Variants in SAMD7 observed in about 807,000 individuals in gnomAD.
The protein encoded by SAMD7 is sterile alpha motif domain-containing protein 7.
In SAMD7, 34 loss-of-function variants were observed where a neutral mutation model predicts 36.7. The ratio of observed to expected loss-of-function variants is 0.93; its 90% CI spans 0.71 to 1.23. The LOEUF is 1.23. Ranked by LOEUF, SAMD7 falls within the 50% of genes most tolerant of loss-of-function variation. The pLI, the probability that SAMD7 is intolerant of heterozygous loss-of-function variation, is 0.00. For missense variants in SAMD7, 570 were observed against 546.6 expected (o/e 1.04, Z -0.43); for synonymous variants, 188 against 189.7 (o/e 0.99, Z 0.07).
chr3:169,934,306 T>C (rs577628298), intron 7 of SAMD7, among the ~76,000 whole-genome samples: 1 of 151,874 alleles, frequency 6.6e-6, no homozygotes, highest in East Asian at 1.9e-4. Context: ...CTATCCAGGG[T>C]GGGAGCAGTG....
At chr3:169,928,684 A>G (rs1485806664) in intron 7 of SAMD7, 106 bp downstream of exon 7, 4 of 1,192,846 alleles carry the variant, frequency 3.4e-6, no homozygotes, top group African/African-American at 3.0e-5. Flanking sequence ...AAGGATTCCT[A>G]CTAATCTCTC....
chr3:169,921,100 A>T, intron 3 of SAMD7, 114 bp from the exon 4 acceptor site: 1 of 918,132 alleles, frequency 1.1e-6, no homozygotes, highest in Non-Finnish European at 1.7e-6. Flanking sequence ...TTTCATCTTG[A>T]GAAGAGATGA....
rs1713039231 is a variant in SAMD7, at chr3:169,921,438, A to C, written c.211+100A>C. On this transcript the variant is annotated intron_variant, in intron 4 of 8. Transcript: ENST00000335556. ...AATTACTCCTAAATTTTGGAGGCAG[A>C]TCTGTGTGGTGGTTGTCTCTGCAGT... 2.4e-6 allele frequency: 3 copies of C among 1,229,524 alleles called. No homozygotes were observed. The East Asian group carries it at 7.1e-5, about 29-fold the overall frequency. 76.2% of individuals were successfully genotyped at this position (1,229,524 alleles called of 1,614,324 possible).
chr3:169,917,948 T>C (rs1166192943), intron 2 of SAMD7, among the ~76,000 whole-genome samples: 1 of 150,866 alleles, frequency 6.6e-6, no homozygotes, highest in African/African-American at 2.4e-5. Context: ...GCCTGTTTGT[T>C]TATTTTTGAG....
intron 1 of SAMD7, among the ~76,000 whole-genome samples, chr3:169,912,080 A>G (rs1264034989): frequency 6.6e-6 from 1 of 152,242 alleles, no homozygotes; most frequent in East Asian, 1.9e-4. Context: ...TTTTTAAGTG[A>G]AAGTAAAATG....
intron 8 of SAMD7, 24 bp downstream of exon 8, chr3:169,936,473 T>C: frequency 8.1e-7 from 1 of 1,236,880 alleles, no homozygotes; most frequent in South Asian, 1.2e-5. Context: ...ATATAACTAA[T>C]TATGTATTAA....
At position 169,935,148 on chromosome 3, in the gene SAMD7, G is replaced by A. The variant is rs183236449; in HGVS notation, c.1042-1191G>A. On this transcript the variant is annotated intron_variant, in intron 7 of 8. Transcript: ENST00000335556. ...TTAGAACGTGAAAGCAGGGAGCATC[G>A]AAACCCTTTGGAGAAATCTAGCTGT... is the stretch of plus-strand genomic sequence containing the variant. Among the ~76,000 whole-genome samples, 604 of 152,302 alleles carry A rather than the reference G, an allele frequency of 4.0e-3. 20 individuals are homozygous for A. The highest frequency in any genetic ancestry group is 0.035 in the Admixed American group (540 of 15,300).
rs539167485 is a variant in SAMD7, at chr3:169,922,497, T to TTTG, written c.211+1171_211+1173dup. Among the ~76,000 whole-genome samples the TTTG allele has an allele frequency of 1.8e-4, 27 of 152,310 alleles. No homozygotes were observed. In the South Asian group the frequency reaches 5.0e-3, roughly 28 times the overall value. ...CTTATCTCACACATTTATCACCTTT[T>TTTG]TTGTTGTTGTTGTTTGTTTGAGATG... On this transcript the variant is annotated intron_variant, in intron 4 of 8. Transcript: ENST00000335556.
intron 4 of SAMD7, among the ~76,000 whole-genome samples, chr3:169,924,173 T>A (rs1162065852): frequency 6.6e-6 from 1 of 151,874 alleles, no homozygotes; most frequent in Non-Finnish European, 1.5e-5. Context: ...TTCATCTAAC[T>A]CCTTGATTTT....
At chr3:169,936,547 AACTTCTT>A in intron 8 of SAMD7, 98 bp downstream of exon 8, 1 of 710,798 alleles carries the variant, frequency 1.4e-6, no homozygotes, top group Non-Finnish European at 2.4e-6. Flanking sequence ...ATACTTATTT[AACTTCTT>A]TATTGCTTTC....
Position 169,927,190 on chromosome 3 carries a change from C to G in SAMD7, c.919+9C>G, listed in dbSNP as rs1405564131. ...TCGACCATCTCTGCCAGGTGGGTGT[C>G]CAGGGGCCAATGGCAGATCCTCATT... On this transcript the variant is annotated intron_variant, in intron 6 of 8. Coordinates refer to ENST00000335556, the MANE Select transcript of SAMD7 (RefSeq NM_001304366.2). 9 of 1,518,554 alleles carry G rather than the reference C, an allele frequency of 5.9e-6. No homozygotes were observed. Among genetic ancestry groups the G allele is most frequent in the African/African-American group, 1.4e-5 (1 of 71,536 alleles). 94.1% of individuals were successfully genotyped at this position (1,518,554 alleles called of 1,614,324 possible). A position where few individuals can be genotyped will look rare whatever the true frequency, so the allele number is the denominator to read the frequency against.
chr3:169,916,573 G>T (rs758749700), intron 2 of SAMD7, among the ~76,000 whole-genome samples: 3 of 152,098 alleles, frequency 2.0e-5, no homozygotes, highest in Admixed American at 6.5e-5. Flanking sequence ...GCTTGAACCC[G>T]GGCGACAGAG....
chr3:169,916,712 GAGTA>G (rs1187814070), intron 2 of SAMD7, among the ~76,000 whole-genome samples: 1 of 152,138 alleles, frequency 6.6e-6, no homozygotes, highest in Non-Finnish European at 1.5e-5. Context: ...CCTCACTTAT[GAGTA>G]AGTTCAATCT....
At chr3:169,936,689 G>A (rs1212733013) in intron 8 of SAMD7, among the ~76,000 whole-genome samples, 2 of 152,112 alleles carry the variant, frequency 1.3e-5, no homozygotes, top group African/African-American at 4.8e-5. Flanking sequence ...TGTTTAACAA[G>A]TAGTTCTCTT....
At chr3:169,930,107 T>C (rs1713427060) in intron 7 of SAMD7, among the ~76,000 whole-genome samples, 1 of 152,208 alleles carries the variant, frequency 6.6e-6, no homozygotes, top group Non-Finnish European at 1.5e-5. Context: ...AAAAGTGCAA[T>C]TTATAATAAT....
chr3:169,916,604 C>A (rs757480063), intron 2 of SAMD7, among the ~76,000 whole-genome samples: 16 of 152,228 alleles, frequency 1.1e-4, no homozygotes, highest in South Asian at 8.3e-4. Flanking sequence ...GACAGGATCA[C>A]GCCATTGCAC....
rs1713198115 is a variant in SAMD7, at chr3:169,925,048, CT to C, written c.212-4del. The stretch of plus-strand genomic sequence containing the variant: ...ATTTGTGGGGTGGGATGGTGGTTTT[CT>C]TTTTTAAGGTTGGGGCATTTTACCA... On this transcript the variant is annotated splice_polypyrimidine_tract_variant and intron_variant, in intron 4 of 8. Coordinates refer to ENST00000335556, the MANE Select transcript of SAMD7 (RefSeq NM_001304366.2). The C allele has an allele frequency of 5.2e-6, 8 of 1,535,510 alleles. No homozygotes were observed. Among genetic ancestry groups the C allele is most frequent in the East Asian group, 2.4e-5 (1 of 41,650 alleles).
intron 5 of SAMD7, among the ~76,000 whole-genome samples, chr3:169,925,958 C>G (rs1713240932): frequency 6.6e-6 from 1 of 152,158 alleles, no homozygotes; most frequent in Admixed American, 6.5e-5. Flanking sequence ...CAACAGTGGC[C>G]TTCAGCTATA....
chr3:169,933,101 A>C (rs567744569), intron 7 of SAMD7: 2 of 876,174 alleles, frequency 2.3e-6, no homozygotes, highest in South Asian at 2.6e-5. Flanking sequence ...CCCTCTCCCC[A>C]GTGCTCTCTG....
Sources: allele counts gnomAD v4.1 joint callset (sites outside exome capture counted in the v4.1 genomes callset), GRCh38; gene constraint gnomAD v4.1.1; transcripts MANE v1.5; gene names NCBI Gene and HGNC (gene_info 2026-07-23, HGNC 2026-07-21).